LRP1B: variants seen among roughly 807,000 people sequenced by gnomAD.
LRP1B encodes the protein LDL receptor related protein 1B.
A neutral mutation model predicts 556.6 loss-of-function variants in LRP1B; 217 were observed. The ratio of observed to expected loss-of-function variants is 0.39; its 90% CI spans 0.35 to 0.44. LRP1B has a LOEUF of 0.44. Among genes scored for constraint, LRP1B ranks in the 20% least tolerant of loss-of-function variants. The pLI is 1.00. For synonymous variants in LRP1B, 2,047 were observed against 1,865.8 expected (o/e 1.10, Z -2.50); for missense variants, 5,053 against 5,620.8 (o/e 0.90, Z 3.23).
chr2:141,980,674 T>C (rs945605510), intron 1 of LRP1B, among the ~76,000 whole-genome samples: 8 of 152,166 alleles, frequency 5.3e-5, no homozygotes, highest in African/African-American at 1.9e-4. Flanking sequence ...TTTAATTTTC[T>C]AGAGGATTGA....
chr2:140,880,883 ATTTG>A (rs1203183663), intron 25 of LRP1B, among the ~76,000 whole-genome samples: 1 of 152,130 alleles, frequency 6.6e-6, no homozygotes, highest in African/African-American at 2.4e-5. Context: ...GCATGCATTC[ATTTG>A]TTTAACATTT....
intron 3 of LRP1B, among the ~76,000 whole-genome samples, chr2:141,423,850 C>G (rs67427799): frequency 6.6e-6 from 1 of 150,964 alleles, no homozygotes; most frequent in Admixed American, 6.6e-5. Context: ...TACATTTACA[C>G]ACATAGTTTA....
chr2:141,112,866 C>T (rs956604948), intron 7 of LRP1B, among the ~76,000 whole-genome samples: 4 of 152,116 alleles, frequency 2.6e-5, no homozygotes, highest in African/African-American at 4.8e-5. Flanking sequence ...CATTAAGCTG[C>T]ATTTTTTTAA....
intron 2 of LRP1B, among the ~76,000 whole-genome samples, chr2:141,700,216 G>A (rs191725913): frequency 2.0e-4 from 30 of 151,768 alleles, no homozygotes; most frequent in African/African-American, 6.8e-4. Flanking sequence ...AGATACCTTC[G>A]ACATTATTGT....
At chr2:140,847,504 C>T (rs913766185) in intron 29 of LRP1B, among the ~76,000 whole-genome samples, 1 of 152,032 alleles carries the variant, frequency 6.6e-6, no homozygotes, top group African/African-American at 2.4e-5. Flanking sequence ...CGCAGTGGTT[C>T]ACGCCTGTAA....
At chr2:140,405,895 A>C (rs1276854401) in intron 66 of LRP1B, among the ~76,000 whole-genome samples, 1 of 152,186 alleles carries the variant, frequency 6.6e-6, no homozygotes, top group Admixed American at 6.5e-5. Context: ...CATAAAAATA[A>C]AACTACAGAC....
chr2:141,525,281 G>A (rs1195937426), intron 2 of LRP1B, among the ~76,000 whole-genome samples: 2 of 152,034 alleles, frequency 1.3e-5, no homozygotes, highest in Admixed American at 1.3e-4. Context: ...TTGAAGGAAA[G>A]GAGAAGGAAA....
At chr2:141,412,685 T>C (rs1223478032) in intron 3 of LRP1B, among the ~76,000 whole-genome samples, 1 of 152,170 alleles carries the variant, frequency 6.6e-6, no homozygotes. Flanking sequence ...TTATTCATTC[T>C]ACCTTACTGG....
At chr2:140,304,337 T>G (rs181607220) in intron 83 of LRP1B, among the ~76,000 whole-genome samples, 1 of 152,314 alleles carries the variant, frequency 6.6e-6, no homozygotes, top group Non-Finnish European at 1.5e-5. Flanking sequence ...CCTGACTTTT[T>G]AATGATCACC....
chr2:141,974,201 A>G (rs182585832), intron 1 of LRP1B, among the ~76,000 whole-genome samples: 1 of 151,988 alleles, frequency 6.6e-6, no homozygotes, highest in South Asian at 2.1e-4. Context: ...CCAGAACAGG[A>G]AAGTGTTAAG....
At chr2:141,295,792 T>C (rs13409875) in intron 3 of LRP1B, among the ~76,000 whole-genome samples, 8,409 of 40,786 alleles carry the variant, frequency 0.21, 245 homozygotes, top group Middle Eastern at 0.29. Context: ...CACACACACA[T>C]AACAGTGGGG....
rs2105064182 is a variant in LRP1B at position 140,325,823 on chromosome 2, G to A, written c.12279C>T (p.Ser4093=). Residue 4093 remains serine (S), a synonymous_variant, in exon 80 of 91, where the codon TCC becomes TCT. Transcript: ENST00000389484. The part of the protein sequence containing the change: ...ERIYWADFEL[S]IIGSVLYDGS... ...CATCATACAGAACACTGCCAATGAT[G>A]GAGAGCTCAAAGTCAGCCCAATATA... The A allele has an allele frequency of 6.2e-7, 1 of 1,613,114 alleles. No individual in the cohort carries two copies. Among genetic ancestry groups the A allele is most frequent in the Non-Finnish European group, 8.5e-7 (1 of 1,179,522 alleles).
At chr2:140,975,076 A>G (rs551797453) in intron 18 of LRP1B, among the ~76,000 whole-genome samples, 1 of 152,326 alleles carries the variant, frequency 6.6e-6, no homozygotes, top group South Asian at 2.1e-4. Flanking sequence ...AAAAAAGTGG[A>G]CTTAGCAAAG....
intron 2 of LRP1B, among the ~76,000 whole-genome samples, chr2:141,738,243 A>G (rs1693564346): frequency 6.6e-6 from 1 of 152,160 alleles, no homozygotes; most frequent in Non-Finnish European, 1.5e-5. Context: ...CCCGACTCTT[A>G]TACAAATGGA....
chr2:140,699,025 AT>A (rs988956706), intron 41 of LRP1B, among the ~76,000 whole-genome samples: 1 of 151,934 alleles, frequency 6.6e-6, no homozygotes, highest in Non-Finnish European at 1.5e-5. Context: ...TTCTACTCTA[AT>A]TTTTTTACTT....
intron 1 of LRP1B, among the ~76,000 whole-genome samples, chr2:141,904,510 T>C (rs965536756): frequency 6.6e-6 from 1 of 151,890 alleles, no homozygotes; most frequent in Non-Finnish European, 1.5e-5. Context: ...TTTCTGGAAC[T>C]GTTAGGTTTG....
At chr2:141,139,262 A>G (rs1701571498) in intron 7 of LRP1B, among the ~76,000 whole-genome samples, 1 of 151,976 alleles carries the variant, frequency 6.6e-6, no homozygotes, top group African/African-American at 2.4e-5. Context: ...TAAAACTCCT[A>G]GAAGAAAACA....
intron 2 of LRP1B, among the ~76,000 whole-genome samples, chr2:141,662,834 G>GAT (rs1027022044): frequency 2.6e-5 from 4 of 151,842 alleles, no homozygotes; most frequent in Non-Finnish European, 4.4e-5. Flanking sequence ...GGACCTAATA[G>GAT]ATATATACAG....
rs138070389 is a variant in LRP1B at position 141,214,566 on chromosome 2, T to C, written c.850+14617A>G. Among the ~76,000 whole-genome samples the C allele has an allele frequency of 3.2e-3, 483 of 152,330 alleles. 8 individuals carry two copies. The highest frequency in any genetic ancestry group is 7.6e-4 in the Non-Finnish European group (52 of 68,022). ...AATAAAGGGTTAAAAGTCTGCACCA[T>C]TTTGAGTGATCCTGTACTAACATTA... On this transcript the variant is annotated intron_variant, in intron 6 of 90. Transcript: ENST00000389484.
Sources: allele counts gnomAD v4.1 joint callset (sites outside exome capture counted in the v4.1 genomes callset), GRCh38; gene constraint gnomAD v4.1.1; transcripts MANE v1.5; gene names NCBI Gene and HGNC (gene_info 2026-07-23, HGNC 2026-07-21).